Variants in NTRK3 observed in about 807,000 individuals in gnomAD.
The protein encoded by NTRK3 is NT-3 growth factor receptor.
Under a neutral mutation model 91.7 loss-of-function variants are expected in NTRK3, and 24 were observed. The ratio of observed to expected loss-of-function variants is 0.26; its 90% CI spans 0.19 to 0.37. The LOEUF (loss-of-function observed/expected upper bound fraction) is 0.37, where lower values mean the gene tolerates loss of function less well. NTRK3 is among the 10% of genes least tolerant of loss of function. The pLI, the probability that NTRK3 is intolerant of heterozygous loss-of-function variation, is 1.00. For synonymous variants in NTRK3, 483 were observed against 404.0 expected (o/e 1.20, Z -2.34); for missense variants, 880 against 1,068.9 (o/e 0.82, Z 2.46).
intron 3 of NTRK3, among the ~76,000 whole-genome samples, chr15:88,215,841 G>T (rs1449887784): frequency 6.6e-6 from 1 of 152,184 alleles, no homozygotes; most frequent in Non-Finnish European, 1.5e-5. Flanking sequence ...ATTGAAAAAT[G>T]CAAACATGAA....
intron 13 of NTRK3, among the ~76,000 whole-genome samples, chr15:88,076,490 T>C (rs896476744): frequency 1.3e-5 from 2 of 152,120 alleles, no homozygotes; most frequent in Admixed American, 1.3e-4. Context: ...GTGCACCAGA[T>C]GAGGCTTCTT....
intron 15 of NTRK3, among the ~76,000 whole-genome samples, chr15:87,939,936 C>G (rs1037341794): frequency 2.0e-5 from 3 of 152,198 alleles, no homozygotes; most frequent in African/African-American, 4.8e-5. Flanking sequence ...TCTCCTACCC[C>G]AAGCAATTCA....
chr15:87,904,211 C>A (rs977203111), intron 17 of NTRK3, among the ~76,000 whole-genome samples: 1 of 148,778 alleles, frequency 6.7e-6, no homozygotes, highest in Non-Finnish European at 1.5e-5. Context: ...AGTGCAGTGG[C>A]GCAATCTCAG....
chr15:87,957,632 G>A (rs1402816416), intron 14 of NTRK3, among the ~76,000 whole-genome samples: 1 of 101,394 alleles, frequency 9.9e-6, no homozygotes, highest in Non-Finnish European at 2.0e-5. Flanking sequence ...TTAACACAGA[G>A]GAAACAAATG....
chr15:88,192,572 C>T (rs2047498601), intron 3 of NTRK3, among the ~76,000 whole-genome samples: 1 of 152,154 alleles, frequency 6.6e-6, no homozygotes, highest in African/African-American at 2.4e-5. Context: ...CCTCCAATGG[C>T]TTCCTTTGGC....
chr15:88,153,225 C>T (rs1376295473), intron 5 of NTRK3, among the ~76,000 whole-genome samples: 1 of 152,026 alleles, frequency 6.6e-6, no homozygotes, highest in Non-Finnish European at 1.5e-5. Context: ...GTATCTATCC[C>T]TTTTCTTCTT....
intron 13 of NTRK3, among the ~76,000 whole-genome samples, chr15:88,119,950 A>T (rs986876642): frequency 6.6e-6 from 1 of 152,118 alleles, no homozygotes; most frequent in Admixed American, 6.5e-5. Context: ...TCCAGTACCA[A>T]TTCCCCTGCT....
At chr15:88,083,745 A>T (rs995362925) in intron 13 of NTRK3, among the ~76,000 whole-genome samples, 1 of 152,160 alleles carries the variant, frequency 6.6e-6, no homozygotes, top group Non-Finnish European at 1.5e-5. Flanking sequence ...CACAGGGGAG[A>T]TATATGAGGA....
intron 3 of NTRK3, among the ~76,000 whole-genome samples, chr15:88,245,459 C>A (rs1421201432): frequency 6.6e-6 from 1 of 152,206 alleles, no homozygotes; most frequent in Non-Finnish European, 1.5e-5. Flanking sequence ...AAAGAAGCCT[C>A]TACTCTTCCC....
At chr15:87,986,680 C>T (rs1165810997) in intron 14 of NTRK3, among the ~76,000 whole-genome samples, 1 of 152,220 alleles carries the variant, frequency 6.6e-6, no homozygotes, top group Non-Finnish European at 1.5e-5. Flanking sequence ...GCCTATTCTG[C>T]CAACTGACAC....
exon 19 of NTRK3, chr15:87,861,748 G>A (rs911534761): frequency 2.1e-5 from 4 of 194,506 alleles, no homozygotes; most frequent in East Asian, 8.0e-5. Flanking sequence ...GGCTAGACGC[G>A]CCCTTGAAAA....
At chr15:88,196,419 G>T (rs1278026441) in intron 3 of NTRK3, among the ~76,000 whole-genome samples, 2 of 152,200 alleles carry the variant, frequency 1.3e-5, no homozygotes, top group Non-Finnish European at 2.9e-5. Context: ...GGCTGGGATG[G>T]GGGCTGCAGA....
At chr15:88,221,122 T>G (rs759067954) in intron 3 of NTRK3, among the ~76,000 whole-genome samples, 8 of 152,234 alleles carry the variant, frequency 5.3e-5, no homozygotes, top group Admixed American at 1.3e-4. Flanking sequence ...TTAATTTCAA[T>G]TACTCTTTTC....
intron 14 of NTRK3, chr15:87,979,568 G>C (rs1204498936): frequency 1.4e-6 from 1 of 740,304 alleles, no homozygotes; most frequent in African/African-American, 1.8e-5. Context: ...GAGGGAGCTT[G>C]AAAGGGGAAG....
At chr15:87,901,689 C>A (rs906071813) in intron 17 of NTRK3, among the ~76,000 whole-genome samples, 1 of 149,700 alleles carries the variant, frequency 6.7e-6, no homozygotes, top group African/African-American at 2.5e-5. Context: ...CCTCCTAAAA[C>A]GCATTGGCTA....
chr15:88,056,081 C>G (rs1051019643), intron 13 of NTRK3, among the ~76,000 whole-genome samples: 1 of 151,444 alleles, frequency 6.6e-6, no homozygotes, highest in Non-Finnish European at 1.5e-5. Flanking sequence ...GCATGGCAGG[C>G]CCCTGGGTTC....
chr15:87,913,019 G>T (rs1332992722), intron 17 of NTRK3, among the ~76,000 whole-genome samples: 1 of 140,638 alleles, frequency 7.1e-6, no homozygotes, highest in Non-Finnish European at 1.5e-5. Context: ...GCTCAGAGAT[G>T]ATGGCATAGA....
chr15:87,884,349 A>G lies in NTRK3; in HGVS notation c.2134-3921T>C, dbSNP rs367829446. 1.8e-4 allele frequency among the ~76,000 whole-genome samples: 27 copies of G among 151,784 alleles called. No homozygotes were observed. The East Asian group carries it at 2.3e-3, about 13-fold the overall frequency. Reference sequence around the variant, plus strand: ...CCATAATTGTAAAAAAAATCTATACATTAAAAAACTAGAAGGTTCAGATAG... The same window carrying G: ...CCATAATTGTAAAAAAAATCTATACGTTAAAAAACTAGAAGGTTCAGATAG... On this transcript the variant is annotated intron_variant, in intron 17 of 18. Transcript: ENST00000394480.
intron 14 of NTRK3, among the ~76,000 whole-genome samples, chr15:88,010,803 G>A (rs1476307241): frequency 1.3e-5 from 2 of 151,702 alleles, no homozygotes; most frequent in African/African-American, 4.8e-5. Context: ...AGCAACCTGG[G>A]AAACAGCCGG....
Sources: gnomAD v4.1 joint callset for allele counts (sites outside exome capture counted in the v4.1 genomes callset) on GRCh38, gnomAD v4.1.1 for gene constraint, MANE v1.5 for transcripts, NCBI Gene and HGNC (gene_info 2026-07-23, HGNC 2026-07-21) for gene names.